Variants in RPAP2 observed in about 807,000 individuals in gnomAD.
RPAP2 encodes the protein putative RNA polymerase II subunit B1 CTD phosphatase RPAP2.
A neutral mutation model predicts 73.1 loss-of-function variants in RPAP2; 52 were observed. The ratio of observed to expected loss-of-function variants is 0.71; its 90% CI spans 0.57 to 0.90. RPAP2 has a LOEUF of 0.90. Among genes scored for constraint, RPAP2 ranks in the 40% least tolerant of loss-of-function variants. The pLI, the probability that RPAP2 is intolerant of heterozygous loss-of-function variation, is 0.00. For synonymous variants in RPAP2, 225 were observed against 242.1 expected, an observed-to-expected ratio of 0.93 and a Z score of 0.65; for missense variants, 598 against 701.8, an observed-to-expected ratio of 0.85 and a Z score of 1.67.
intron 6 of RPAP2, among the ~76,000 whole-genome samples, chr1:92,310,629 G>A (rs1651535838): frequency 6.6e-6 from 1 of 152,088 alleles, no homozygotes; most frequent in African/African-American, 2.4e-5. Context: ...CAGGTGTGGT[G>A]ACTCACGCCC....
intron 9 of RPAP2, among the ~76,000 whole-genome samples, chr1:92,335,550 T>C (rs1653234179): frequency 6.6e-6 from 1 of 152,172 alleles, no homozygotes. Context: ...ATATTCATTC[T>C]ATTTGGTTCT....
chr1:92,337,531 A>T (rs1653346306), intron 10 of RPAP2, among the ~76,000 whole-genome samples: 1 of 152,130 alleles, frequency 6.6e-6, no homozygotes, highest in Admixed American at 6.5e-5. Flanking sequence ...TGAAAAGGAT[A>T]ATTTGTAATA....
intron 4 of RPAP2, 92 bp downstream of exon 4, chr1:92,304,167 C>A: frequency 1.7e-6 from 2 of 1,194,418 alleles, no homozygotes; most frequent in South Asian, 1.3e-5. Context: ...AACCTAAGGT[C>A]ATGAACTAAA....
chr1:92,340,361 A>C (rs897980436), intron 10 of RPAP2, among the ~76,000 whole-genome samples: 1 of 152,220 alleles, frequency 6.6e-6, no homozygotes, highest in Non-Finnish European at 1.5e-5. Context: ...TTTGTAGGCT[A>C]GGGCTGCCAG....
At chr1:92,378,843 G>C (rs941495343) in intron 11 of RPAP2, among the ~76,000 whole-genome samples, 3 of 152,054 alleles carry the variant, frequency 2.0e-5, no homozygotes, top group Non-Finnish European at 1.5e-5. Context: ...CTACCTTTGG[G>C]GAATATGTGC....
At chr1:92,382,395 A>C (rs919595844) in intron 12 of RPAP2, among the ~76,000 whole-genome samples, 1 of 152,138 alleles carries the variant, frequency 6.6e-6, no homozygotes, top group Non-Finnish European at 1.5e-5. Flanking sequence ...AACAGCGTAC[A>C]AGTGTTCCTA....
At chr1:92,379,273 T>A (rs72960835) in intron 11 of RPAP2, among the ~76,000 whole-genome samples, 8,388 of 152,266 alleles carry the variant, frequency 0.055, 634 homozygotes, top group African/African-American at 0.18. Flanking sequence ...TAACCAAGGT[T>A]AAATAAATAT....
At chr1:92,322,822 A>G (rs1652366236) in intron 7 of RPAP2, among the ~76,000 whole-genome samples, 2 of 151,028 alleles carry the variant, frequency 1.3e-5, no homozygotes, top group South Asian at 4.2e-4. Context: ...GGTTGCAGTG[A>G]GCTGAGTTCA....
At chr1:92,305,896 CTT>C (rs1651199299) in intron 5 of RPAP2, among the ~76,000 whole-genome samples, 2 of 152,244 alleles carry the variant, frequency 1.3e-5, no homozygotes, top group East Asian at 3.9e-4. Context: ...CTGGTGAAGT[CTT>C]TGCACATTCT....
rs773593424 is a variant in RPAP2, at chr1:92,336,350, G to T, written c.1542G>T (p.Leu514Phe). The part of the protein sequence containing the change: ...RIVLEKLSKV[L>F]PGLLVPLQIT... ...AATGTAATTTTTAAATTTTCAGGTT[G>T]CCTGGGCTTCTGGTTCCTCTTCAGA... Residue 514 changes from leucine (L) to phenylalanine (F), a missense_variant, in exon 10 of 13, where the codon TTG (leucine) becomes TTT (phenylalanine). Around this residue, in one of 3 missense-constraint regions of RPAP2, gnomAD observed 506 missense variants for 612.8 expected, o/e 0.83. Transcript: ENST00000610020. 1 of 1,602,452 alleles carries T rather than the reference G, an allele frequency of 6.2e-7. No individual in the cohort carries two copies. The highest frequency in any genetic ancestry group is 2.2e-5 in the East Asian group (1 of 44,688).
chr1:92,357,385 T>TG (rs901263688), intron 11 of RPAP2, among the ~76,000 whole-genome samples: 2 of 152,148 alleles, frequency 1.3e-5, no homozygotes, highest in African/African-American at 2.4e-5. Flanking sequence ...AAGATCTGTT[T>TG]GGGGGGCCAT....
intron 10 of RPAP2, among the ~76,000 whole-genome samples, chr1:92,337,094 G>A (rs1226263563): frequency 9.2e-5 from 14 of 152,102 alleles, no homozygotes; most frequent in African/African-American, 3.4e-4. Context: ...TCAGCCAAAT[G>A]CCAGTGACCA....
chr1:92,349,069 A>G (rs1654064664), intron 11 of RPAP2, among the ~76,000 whole-genome samples: 1 of 152,270 alleles, frequency 6.6e-6, no homozygotes, highest in African/African-American at 2.4e-5. Flanking sequence ...GACTGTAGGC[A>G]TACATGGGTG....
At chr1:92,328,404 G>A (rs1430594983) in intron 8 of RPAP2, among the ~76,000 whole-genome samples, 2 of 152,132 alleles carry the variant, frequency 1.3e-5, no homozygotes, top group Non-Finnish European at 2.9e-5. Context: ...TTGTCTTGAA[G>A]CTCTGAAGTT....
At chr1:92,382,008 G>A (rs1334705389) in intron 12 of RPAP2, among the ~76,000 whole-genome samples, 1 of 149,926 alleles carries the variant, frequency 6.7e-6, no homozygotes, top group South Asian at 2.1e-4. Context: ...CTATGAGTGA[G>A]AACATGCGGT....
rs1187428947 is a variant in RPAP2 at position 92,395,179 on chromosome 1, T to A, written c.*8168T>A. On this transcript the variant is annotated 3_prime_UTR_variant, in exon 13 of 13. Coordinates refer to ENST00000610020, the MANE Select transcript of RPAP2 (RefSeq NM_024813.3). The stretch of plus-strand genomic sequence containing the variant: ...TCAAAATTGATCACACACCTACATG[T>A]AAGAGCTAAAACTATAAAACATGTA... The A allele has an allele frequency of 6.6e-6, 1 of 152,134 alleles. No homozygotes were observed. The highest frequency in any genetic ancestry group is 6.5e-5 in the Admixed American group (1 of 15,270). The allele number at this position is 152,134 out of a possible 1,614,324, so 9.4% of individuals were successfully genotyped here. A position where few individuals can be genotyped will look rare whatever the true frequency, so the allele number is the denominator to read the frequency against.
intron 5 of RPAP2, among the ~76,000 whole-genome samples, chr1:92,305,093 C>T (rs1651107786): frequency 6.6e-6 from 1 of 151,730 alleles, no homozygotes; most frequent in Admixed American, 6.6e-5. Context: ...CGAGATCATG[C>T]CACTGCACTC....
chr1:92,359,917 G>A (rs1207631001), intron 11 of RPAP2, among the ~76,000 whole-genome samples: 1 of 151,990 alleles, frequency 6.6e-6, no homozygotes, highest in Non-Finnish European at 1.5e-5. Context: ...GGAGGGAGGG[G>A]AAACAGACAC....
In RPAP2 at chr1:92,301,491, A is replaced by G. The variant is rs1215964924; in HGVS notation, c.135A>G (p.Glu45=). Residue 45 remains glutamate (E), a synonymous_variant, in exon 3 of 13, where the codon GAA becomes GAG. Transcript: ENST00000610020. ...EDASKRKAEL[E]AAVRKKIEFE... ...CAAATTTTAGGAAAGCTGAACTAGA[A>G]GCAGCTGTGAGAAAGAAGATTGAAT... The G allele has an allele frequency of 1.9e-6, 3 of 1,580,818 alleles. No individual in the cohort carries two copies.
Sources: gnomAD v4.1 joint callset for allele counts (sites outside exome capture counted in the v4.1 genomes callset) on GRCh38, gnomAD v4.1.1 for gene constraint, gnomAD v4.1.1 regional missense constraint, MANE v1.5 for transcripts, NCBI Gene and HGNC (gene_info 2026-07-23, HGNC 2026-07-21) for gene names.